The following MED23 variants were observed in gnomAD, a reference collection of about 807,000 sequenced individuals.
The protein encoded by MED23 is mediator complex subunit 23.
MED23 carries 105 observed loss-of-function variants against 163.9 expected under a neutral mutation model. That is an observed-to-expected ratio of 0.64 (90% CI 0.55 to 0.75). The LOEUF is 0.75. Among genes scored for constraint, MED23 ranks in the 30% least tolerant of loss-of-function variants. The pLI is 0.00. For synonymous variants in MED23, 561 were observed against 565.6 expected, an observed-to-expected ratio of 0.99 and a Z score of 0.12; for missense variants, 1,054 against 1,649.0, an observed-to-expected ratio of 0.64 and a Z score of 6.25.
intron 25 of MED23, among the ~76,000 whole-genome samples, chr6:131,592,144 C>T (rs553671897): frequency 6.6e-6 from 1 of 151,970 alleles, no homozygotes; most frequent in Non-Finnish European, 1.5e-5. Flanking sequence ...TAAGGTGGTA[C>T]CAGAAAATGC....
chr6:131,608,939 T>G (rs1233062669), intron 11 of MED23, among the ~76,000 whole-genome samples: 1 of 152,140 alleles, frequency 6.6e-6, no homozygotes, highest in Non-Finnish European at 1.5e-5. Flanking sequence ...CGTCCTCCCT[T>G]CTATTCATTC....
chr6:131,580,471 T>C (rs957095500), intron 30 of MED23, among the ~76,000 whole-genome samples: 3 of 152,218 alleles, frequency 2.0e-5, no homozygotes, highest in Non-Finnish European at 4.4e-5. Flanking sequence ...ACAGGCATTG[T>C]ATAGTACTAG....
chr6:131,595,876 C>T (rs543271415), intron 22 of MED23, 71 bp downstream of exon 22: 10 of 1,137,200 alleles, frequency 8.8e-6, no homozygotes, highest in South Asian at 8.6e-5. Flanking sequence ...GCCACTATTA[C>T]CATGTGGTCC....
At chr6:131,615,574 T>C (rs1776626362) in intron 10 of MED23, 1 of 359,220 alleles carries the variant, frequency 2.8e-6, no homozygotes, top group East Asian at 4.3e-5. Context: ...AAGGGTTATA[T>C]AAAAATAGAC....
At position 131,581,266 on chromosome 6, in the gene MED23, T is replaced by C. The variant is rs757852473; in HGVS notation, c.4095+6443A>G. ...GGCCATGCCAGGGTCCACCCTGATC[T>C]TGGAGTCATCTGGGTGGATGCTCAC... On this transcript the variant is annotated intron_variant, in intron 30 of 30. Transcript: ENST00000354577. 3 of 1,613,942 alleles carry C rather than the reference T, an allele frequency of 1.9e-6. No homozygotes were observed. In the South Asian group the frequency reaches 3.3e-5, roughly 18 times the overall value.
intron 18 of MED23, among the ~76,000 whole-genome samples, chr6:131,599,517 G>C (rs996634828): frequency 1.2e-4 from 19 of 152,164 alleles, no homozygotes; most frequent in African/African-American, 4.6e-4. Context: ...AGTTCTATGA[G>C]AGAGAAAAAA....
At chr6:131,625,834 T>C (rs982774014) in intron 3 of MED23, among the ~76,000 whole-genome samples, 1 of 151,982 alleles carries the variant, frequency 6.6e-6, no homozygotes. Flanking sequence ...AAGAAAAAGA[T>C]ACTCTCAGCC....
In MED23 at chr6:131,589,611, A is replaced by T; in HGVS notation, c.3808-15T>A. 6.2e-7 allele frequency: 1 copy of T among 1,612,596 alleles called. No homozygotes were observed. Among genetic ancestry groups the T allele is most frequent in the Non-Finnish European group, 8.5e-7 (1 of 1,179,146 alleles). Reference sequence around the variant, plus strand: ...GCCACACCAATCTATTTAACAAATAATGTAAAATTATTTAAGTGATCAAGT... The same window carrying T: ...GCCACACCAATCTATTTAACAAATATTGTAAAATTATTTAAGTGATCAAGT... On this transcript the variant is annotated splice_polypyrimidine_tract_variant and intron_variant, in intron 27 of 28. Transcript: ENST00000368068.
chr6:131,610,761 G>A (rs1158181673), intron 10 of MED23, among the ~76,000 whole-genome samples: 2 of 152,070 alleles, frequency 1.3e-5, no homozygotes, highest in Non-Finnish European at 2.9e-5. Flanking sequence ...TATCTAAATA[G>A]CTACCAGATT....
intron 6 of MED23, among the ~76,000 whole-genome samples, chr6:131,621,653 T>A (rs1427775096): frequency 6.6e-6 from 1 of 152,212 alleles, no homozygotes; most frequent in Non-Finnish European, 1.5e-5. Flanking sequence ...ATGTTTAAGC[T>A]ATTTTAATTT....
At chr6:131,618,961 T>C (rs1430138668) in intron 8 of MED23, among the ~76,000 whole-genome samples, 2 of 152,234 alleles carry the variant, frequency 1.3e-5, no homozygotes, top group Non-Finnish European at 2.9e-5. Context: ...AGTGTCAACA[T>C]GATTAAACTT....
chr6:131,574,117 A>G (rs1773499430), exon 31 of MED23: 2 of 762,694 alleles, frequency 2.6e-6, no homozygotes, highest in Non-Finnish European at 4.6e-6. Flanking sequence ...TGATGACAGA[A>G]CACCTTAGAC....
rs753464131 is a variant in MED23, at chr6:131,623,428, G to C, written c.319C>G (p.Leu107Val). ...CAAAGCTGTGTTCTTTCCCACTCAA[G>C]AGTGTCAGAGTTTATCAGGGATTCA... ...VCESLINSDT[L>V]EWERTQLWAL... The change falls in exon 5 of 29, where the codon CTT becomes GTT. Residue 107 changes from leucine to valine, a missense_variant. Physicochemically the swap from Leu to Val is conservative, Grantham distance 32. Around this residue, in one of 11 missense-constraint regions of MED23, gnomAD observed 227 missense variants for 235.5 expected, o/e 0.96. Transcript: ENST00000368068. 3 of 1,614,136 alleles carry C rather than the reference G, an allele frequency of 1.9e-6. No individual in the cohort carries two copies. Among genetic ancestry groups the C allele is most frequent in the Non-Finnish European group, 2.5e-6 (3 of 1,180,024 alleles).
rs898194753 is a variant in MED23 at position 131,587,024 on chromosome 6, G to T, written c.*655C>A. ...ATTTTAAGTTCAAGAATTTTCAGAT[G>T]TTATTTTCTTACATGGCTTCCAACT... On this transcript the variant is annotated 3_prime_UTR_variant, in exon 29 of 29. Coordinates refer to ENST00000368068, the MANE Select transcript of MED23 (RefSeq NM_004830.4). The T allele has an allele frequency of 4.9e-6, 7 of 1,441,572 alleles. No individual in the cohort carries two copies. Among genetic ancestry groups the T allele is most frequent in the Non-Finnish European group, 6.4e-6 (7 of 1,094,984 alleles). The allele number at this position is 1,441,572 out of a possible 1,614,324, so 89.3% of individuals were successfully genotyped here. A position where few individuals can be genotyped will look rare whatever the true frequency, so the allele number is the denominator to read the frequency against.
At chr6:131,584,363 A>AACACACAC (rs3138772), downstream of MED23, 1,761 of 158,382 alleles carry the variant, frequency 0.011, 16 homozygotes, top group African/African-American at 0.03. Context: ...AAATACATGC[A>AACACACAC]ACACACACAC....
At chr6:131,591,642 C>T (rs1329268245) in intron 25 of MED23, 115 bp from the exon 26 acceptor site, 4 of 808,460 alleles carry the variant, frequency 4.9e-6, no homozygotes, top group East Asian at 2.6e-5. Context: ...CCAGCTTCTG[C>T]ACAATACAGC....
Position 131,606,605 on chromosome 6 carries a change from A to G in MED23, c.1241T>C (p.Ile414Thr), listed in dbSNP as rs1190543104. The change falls in exon 13 of 29, where the codon ATT (isoleucine) becomes ACT (threonine). Residue 414 changes from isoleucine (I) to threonine (T), a missense_variant. This residue lies in a region of MED23 where 61 missense variants were observed against 154.2 expected (regional missense o/e 0.40). Coordinates refer to ENST00000368068, the MANE Select transcript of MED23 (RefSeq NM_004830.4). ...PEKEYIPVPD[I>T]NKPQSTHAFA... ...GGCATGGGTTGACTGGGGTTTGTTA[A>G]TATCAGGAACTGGGATATACTGAAA... is the stretch of plus-strand genomic sequence containing the variant. The G allele has an allele frequency of 2.5e-6, 4 of 1,611,844 alleles. No homozygotes were observed. Among genetic ancestry groups the G allele is most frequent in the Admixed American group, 1.7e-5 (1 of 59,986 alleles).
downstream of MED23, chr6:131,583,835 T>C (rs781676090): frequency 6.2e-7 from 1 of 1,614,166 alleles, no homozygotes; most frequent in South Asian, 1.1e-5. Flanking sequence ...GCAGTTGCAA[T>C]AACCTTGGCT....
chr6:131,583,501 A>C (rs1453364900), downstream of MED23: 4 of 1,614,090 alleles, frequency 2.5e-6, no homozygotes, highest in Non-Finnish European at 3.4e-6. Flanking sequence ...GGTAGTTAAC[A>C]ATCTGAGGTA....
Sources: allele counts gnomAD v4.1 joint callset (sites outside exome capture counted in the v4.1 genomes callset), GRCh38; gene constraint gnomAD v4.1.1; regional missense constraint gnomAD v4.1.1; transcripts MANE v1.5; gene names NCBI Gene and HGNC (gene_info 2026-07-23, HGNC 2026-07-21).